CCBE1: variants seen among roughly 807,000 people sequenced by gnomAD.
The protein encoded by CCBE1 is collagen and calcium binding EGF domains 1.
A neutral mutation model predicts 50.0 loss-of-function variants in CCBE1; 37 were observed. The ratio of observed to expected loss-of-function variants is 0.74; its 90% CI spans 0.57 to 0.97. CCBE1 has a LOEUF of 0.97. Ranked by LOEUF, CCBE1 falls within the 50% of genes least tolerant of loss-of-function variation. CCBE1 has a pLI of 0.00. For synonymous variants in CCBE1, 234 were observed against 203.7 expected, an observed-to-expected ratio of 1.15 and a Z score of -1.27; for missense variants, 538 against 523.8, an observed-to-expected ratio of 1.03 and a Z score of -0.26.
intron 3 of CCBE1, among the ~76,000 whole-genome samples, chr18:59,472,575 TG>T (rs1409888773): frequency 6.6e-6 from 1 of 152,214 alleles, no homozygotes; most frequent in East Asian, 1.9e-4. Context: ...CTCTTGGTCT[TG>T]AACTCCTCAA....
At chr18:59,594,403 A>G (rs757495905) in intron 2 of CCBE1, among the ~76,000 whole-genome samples, 1 of 152,216 alleles carries the variant, frequency 6.6e-6, no homozygotes, top group Non-Finnish European at 1.5e-5. Flanking sequence ...AGAGAAAGGA[A>G]TAGGAAGTTG....
At chr18:59,476,524 CT>C (rs1912314493) in intron 3 of CCBE1, among the ~76,000 whole-genome samples, 2 of 151,858 alleles carry the variant, frequency 1.3e-5, no homozygotes, top group African/African-American at 4.8e-5. Context: ...CTCAACTCTG[CT>C]GTAATTTGTT....
chr18:59,604,144 T>C (rs1424555071), intron 2 of CCBE1, among the ~76,000 whole-genome samples: 6 of 152,220 alleles, frequency 3.9e-5, no homozygotes, highest in Non-Finnish European at 7.3e-5. Flanking sequence ...GGAAAACTTA[T>C]CTAAGGAGGG....
intron 2 of CCBE1, among the ~76,000 whole-genome samples, chr18:59,513,303 CA>C (rs1435445575): frequency 8.9e-6 from 1 of 112,364 alleles, no homozygotes; most frequent in Admixed American, 9.3e-5. Flanking sequence ...GAGACTGTCT[CA>C]AAAAAACAAA....
At chr18:59,691,956 C>T (rs2054738984) in intron 2 of CCBE1, among the ~76,000 whole-genome samples, 2 of 150,076 alleles carry the variant, frequency 1.3e-5, no homozygotes, top group South Asian at 4.2e-4. Flanking sequence ...CTAGTTCAGG[C>T]TATGCCTTCC....
intron 2 of CCBE1, among the ~76,000 whole-genome samples, chr18:59,575,307 G>C (rs1042616708): frequency 6.6e-6 from 1 of 152,132 alleles, no homozygotes; most frequent in Admixed American, 6.5e-5. Flanking sequence ...GAATTCATGG[G>C]AAACAGGCAA....
chr18:59,468,335 T>C (rs986666611), intron 4 of CCBE1, among the ~76,000 whole-genome samples: 1 of 152,138 alleles, frequency 6.6e-6, no homozygotes, highest in Non-Finnish European at 1.5e-5. Flanking sequence ...CAGTGAGCCA[T>C]GATCACGCCA....
chr18:59,599,052 C>G (rs925653764), intron 2 of CCBE1, among the ~76,000 whole-genome samples: 3 of 152,164 alleles, frequency 2.0e-5, no homozygotes, highest in African/African-American at 7.2e-5. Context: ...GCTACTTTTC[C>G]TCCTCCCTTC....
At chr18:59,456,848 G>A (rs1390632995) in intron 5 of CCBE1, among the ~76,000 whole-genome samples, 2 of 152,196 alleles carry the variant, frequency 1.3e-5, no homozygotes, top group African/African-American at 4.8e-5. Flanking sequence ...TGGTAGCTGA[G>A]CTCTCAGACT....
At chr18:59,513,162 G>A (rs1447573614) in intron 2 of CCBE1, among the ~76,000 whole-genome samples, 1 of 152,126 alleles carries the variant, frequency 6.6e-6, no homozygotes, top group African/African-American at 2.4e-5. Context: ...ACAAAAATTA[G>A]CTGGGTGTGG....
chr18:59,527,094 G>A (rs1405007557), intron 2 of CCBE1, among the ~76,000 whole-genome samples: 1 of 152,178 alleles, frequency 6.6e-6, no homozygotes, highest in East Asian at 1.9e-4. Context: ...AATATTGACA[G>A]TGGGGTGTTA....
chr18:59,692,245 A>C (rs528097535), intron 2 of CCBE1, among the ~76,000 whole-genome samples: 1 of 152,322 alleles, frequency 6.6e-6, no homozygotes, highest in Admixed American at 6.5e-5. Flanking sequence ...AGGTATTACT[A>C]ACATAGCACT....
intron 3 of CCBE1, among the ~76,000 whole-genome samples, chr18:59,469,962 G>T (rs978170961): frequency 2.0e-5 from 3 of 152,166 alleles, no homozygotes; most frequent in Non-Finnish European, 1.5e-5. Context: ...GTAGAGGCAG[G>T]TGACTCCACC....
chr18:59,590,117 T>A (rs938657741), intron 2 of CCBE1, among the ~76,000 whole-genome samples: 1 of 152,188 alleles, frequency 6.6e-6, no homozygotes, highest in South Asian at 2.1e-4. Flanking sequence ...ACACAGACAC[T>A]ACCCCCACTA....
intron 2 of CCBE1, among the ~76,000 whole-genome samples, chr18:59,605,375 C>T (rs1302728271): frequency 2.0e-5 from 3 of 151,972 alleles, no homozygotes; most frequent in Non-Finnish European, 4.4e-5. Context: ...ACAGGTGGGT[C>T]GATGGTTGGA....
intron 6 of CCBE1, among the ~76,000 whole-genome samples, 185 bp from the exon 7 acceptor site, chr18:59,448,288 A>C (rs961491339): frequency 2.9e-4 from 44 of 152,162 alleles, no homozygotes; most frequent in Admixed American, 1.8e-3. Context: ...TTCTAGGGCA[A>C]ATAACTTGTA....
intron 2 of CCBE1, among the ~76,000 whole-genome samples, chr18:59,601,586 C>T (rs1202027087): frequency 2.6e-5 from 4 of 152,132 alleles, no homozygotes; most frequent in East Asian, 1.9e-4. Flanking sequence ...AATGAATACA[C>T]GGGGTTTCAC....
chr18:59,530,220 G>A (rs1914995227), intron 2 of CCBE1, among the ~76,000 whole-genome samples: 1 of 152,148 alleles, frequency 6.6e-6, no homozygotes. Flanking sequence ...AAAGAAGACA[G>A]CCCCATGGGG....
chr18:59,678,507 A>G (rs2054539615), intron 2 of CCBE1, among the ~76,000 whole-genome samples: 1 of 152,144 alleles, frequency 6.6e-6, no homozygotes, highest in Non-Finnish European at 1.5e-5. Flanking sequence ...CTTTCCCTTC[A>G]GAATATTCGT....
Sources: gnomAD v4.1 joint callset for allele counts (sites outside exome capture counted in the v4.1 genomes callset) on GRCh38, gnomAD v4.1.1 for gene constraint, MANE v1.5 for transcripts, NCBI Gene and HGNC (gene_info 2026-07-23, HGNC 2026-07-21) for gene names.